Variants in SARDH observed in about 807,000 individuals in gnomAD.
The protein encoded by SARDH is sarcosine dehydrogenase.
SARDH carries 95 observed loss-of-function variants against 109.1 expected under a neutral mutation model. That is an observed-to-expected ratio of 0.87 (90% CI 0.74 to 1.03). SARDH has a LOEUF of 1.03. SARDH is among the 50% of genes least tolerant of loss of function. The probability of loss-of-function intolerance (pLI) is 0.00; values close to 1 mark genes in which losing one functional copy is unlikely to be tolerated. For synonymous variants in SARDH, 572 were observed against 534.8 expected (o/e 1.07, Z -0.96); for missense variants, 1,267 against 1,287.8 (o/e 0.98, Z 0.25).
chr9:133,668,357 C>T (rs956748829), intron 19 of SARDH, among the ~76,000 whole-genome samples: 2 of 122,630 alleles, frequency 1.6e-5, no homozygotes, highest in South Asian at 3.1e-4. Flanking sequence ...CTCACCCTCC[C>T]TCTCCCTCAC....
At chr9:133,696,640 G>A (rs556112097) in intron 13 of SARDH, among the ~76,000 whole-genome samples, 6 of 152,216 alleles carry the variant, frequency 3.9e-5, no homozygotes, top group South Asian at 2.1e-4. Flanking sequence ...TCCTCTGACC[G>A]CGATGTAATT....
At chr9:133,711,497 G>A (rs1011859786) in intron 10 of SARDH, among the ~76,000 whole-genome samples, 56 of 152,350 alleles carry the variant, frequency 3.7e-4, no homozygotes, top group African/African-American at 1.2e-3. Context: ...GTGCAGGGGC[G>A]CAGGCCCAGA....
At chr9:133,703,265 G>T in intron 12 of SARDH, 2 of 544,440 alleles carry the variant, frequency 3.7e-6, no homozygotes, top group Non-Finnish European at 6.6e-6. Flanking sequence ...GCCCAGCCAG[G>T]GCCCAGGAGG....
rs1832558104 is a variant in SARDH at position 133,728,169 on chromosome 9, G to A, written c.915+1596C>T. On this transcript the variant is annotated intron_variant, in intron 6 of 20. Coordinates refer to ENST00000439388, the MANE Select transcript of SARDH (RefSeq NM_001134707.2). This position sits in a 1 kb window ranked among gnomAD's most constrained non-coding sequence, Gnocchi z 5.0. ...GAGAGGCTCATTCTATGAACAAGAG[G>A]TCTTGTGTCCAGTGGGGCGTGGCTT... is the stretch of plus-strand genomic sequence containing the variant. Among the ~76,000 whole-genome samples, 1 of 152,302 alleles carries A rather than the reference G, an allele frequency of 6.6e-6. No individual in the cohort carries two copies. The highest frequency in any genetic ancestry group is 1.9e-4 in the East Asian group (1 of 5,180).
At position 133,733,838 on chromosome 9, in the gene SARDH, C is replaced by T; in HGVS notation, c.331+5G>A. ...CCCTGCCCCTACCTGGCCCCCGGTC[C>T]CTACCTGCCGTGTGCCAGGTGGTCC... On this transcript the variant is annotated splice_donor_5th_base_variant and intron_variant, in intron 2 of 20. Transcript: ENST00000439388. The T allele has an allele frequency of 1.4e-6, 2 of 1,454,422 alleles. No individual in the cohort carries two copies. Among genetic ancestry groups the T allele is most frequent in the Non-Finnish European group, 9.1e-7 (1 of 1,101,040 alleles). 90.1% of individuals were successfully genotyped at this position (1,454,422 alleles called of 1,614,324 possible).
At chr9:133,721,247 C>G (rs1188782039) in intron 6 of SARDH, among the ~76,000 whole-genome samples, 1 of 152,198 alleles carries the variant, frequency 6.6e-6, no homozygotes, top group Non-Finnish European at 1.5e-5. Context: ...ATCACAACAC[C>G]GGATGGCCAG....
At chr9:133,719,639 C>T (rs1832254155) in intron 6 of SARDH, among the ~76,000 whole-genome samples, 1 of 138,798 alleles carries the variant, frequency 7.2e-6, no homozygotes, top group African/African-American at 2.6e-5. Context: ...CCCCCACCCC[C>T]CCACCCCAGG....
intron 4 of SARDH, among the ~76,000 whole-genome samples, chr9:133,730,470 TAA>T (rs71503358): frequency 0.26 from 38,607 of 146,962 alleles, 5,375 homozygotes; most frequent in Non-Finnish European, 0.3. Flanking sequence ...GACTTTTTTT[TAA>T]AAAAAAAAAG....
At chr9:133,721,147 A>G (rs1238574012) in intron 6 of SARDH, among the ~76,000 whole-genome samples, 2 of 152,210 alleles carry the variant, frequency 1.3e-5, no homozygotes, top group African/African-American at 4.8e-5. Context: ...CTCCGATTGA[A>G]AATCACGCAT....
chr9:133,670,377 T>C (rs1003831557), intron 19 of SARDH, among the ~76,000 whole-genome samples: 2 of 151,720 alleles, frequency 1.3e-5, no homozygotes, highest in Non-Finnish European at 2.9e-5. Context: ...TTTCTGCCTT[T>C]AACAACATGT....
intron 1 of SARDH, among the ~76,000 whole-genome samples, chr9:133,736,193 C>A (rs1832878953): frequency 6.6e-6 from 1 of 152,206 alleles, no homozygotes; most frequent in South Asian, 2.1e-4. Flanking sequence ...TGGAAGACTC[C>A]CTGAAAGGGG....
intron 18 of SARDH, among the ~76,000 whole-genome samples, chr9:133,671,332 G>A (rs1474775409): frequency 6.6e-6 from 1 of 152,126 alleles, no homozygotes; most frequent in South Asian, 2.1e-4. Flanking sequence ...GGCCCTGCAC[G>A]AAGACCCTGG....
At position 133,694,380 on chromosome 9, in the gene SARDH, G is replaced by C. The variant is rs542077812; in HGVS notation, c.1808-9C>G. On this transcript the variant is annotated splice_polypyrimidine_tract_variant and intron_variant, in intron 14 of 20. Coordinates refer to ENST00000439388, the MANE Select transcript of SARDH (RefSeq NM_001134707.2). ...CGTGTACACGGTGGAGCCTGCGAGAGGGAGAAGGAAGCCGGGTCTGTGCTG... is the reference window on the plus strand; with the variant it reads ...CGTGTACACGGTGGAGCCTGCGAGACGGAGAAGGAAGCCGGGTCTGTGCTG... 4 of 1,548,564 alleles carry C rather than the reference G, an allele frequency of 2.6e-6. No individual in the cohort carries two copies. Among genetic ancestry groups the C allele is most frequent in the Non-Finnish European group, 3.5e-6 (4 of 1,145,014 alleles).
At chr9:133,725,679 AAAAAC>A in intron 6 of SARDH, 1 of 229,570 alleles carries the variant, frequency 4.4e-6, no homozygotes, top group Non-Finnish European at 9.1e-6. Flanking sequence ...CTGTCTCAAA[AAAAAC>A]AAAACAAAAC....
At chr9:133,682,410 T>G (rs1304825432) in intron 17 of SARDH, among the ~76,000 whole-genome samples, 1 of 152,316 alleles carries the variant, frequency 6.6e-6, no homozygotes, top group East Asian at 1.9e-4. Flanking sequence ...CTGTCAACCC[T>G]GGTTTCTCTG....
In SARDH at chr9:133,729,949, C is replaced by A. The variant is rs892844276; in HGVS notation, c.815-84G>T. 66 of 1,591,112 alleles carry A rather than the reference C, an allele frequency of 4.1e-5. No homozygotes were observed. In the African/African-American group the frequency reaches 8.6e-4, roughly 21 times the overall value. ...GGTGTGCACAGGCTGCCTCTGCAGA[C>A]CTGTCTGCCCTAGCAGGGGCTCCCC... On this transcript the variant is annotated intron_variant, in intron 5 of 20. Coordinates refer to ENST00000439388, the MANE Select transcript of SARDH (RefSeq NM_001134707.2).
intron 18 of SARDH, 58 bp downstream of exon 18, chr9:133,671,477 C>T (rs1410046562): frequency 1.3e-5 from 20 of 1,485,920 alleles, no homozygotes; most frequent in South Asian, 1.3e-4. Flanking sequence ...GTGTCTCGAG[C>T]GTCACTGCCC....
At chr9:133,672,187 C>A (rs1313437666) in intron 17 of SARDH, among the ~76,000 whole-genome samples, 3 of 152,240 alleles carry the variant, frequency 2.0e-5, no homozygotes, top group East Asian at 1.9e-4. Flanking sequence ...TGTGGCTGCA[C>A]CACTGCGATT....
At chr9:133,737,301 C>T (rs948602257) in intron 1 of SARDH, among the ~76,000 whole-genome samples, 10 of 152,218 alleles carry the variant, frequency 6.6e-5, no homozygotes, top group African/African-American at 1.4e-4. Flanking sequence ...CTGATTGCAG[C>T]GGCGTAGGGG....
Sources: gnomAD v4.1 joint callset for allele counts (sites outside exome capture counted in the v4.1 genomes callset) on GRCh38, gnomAD v4.1.1 for gene constraint, Gnocchi (gnomAD v3.1) non-coding constraint, MANE v1.5 for transcripts, NCBI Gene and HGNC (gene_info 2026-07-23, HGNC 2026-07-21) for gene names.